The following FBXL7 variants were observed in gnomAD, a reference collection of about 807,000 sequenced individuals.
The protein encoded by FBXL7 is F-box and leucine rich repeat protein 7, also known as F-box/LRR-repeat protein 7.
FBXL7 carries 12 observed loss-of-function variants against 38.3 expected under a neutral mutation model. The ratio of observed to expected loss-of-function variants is 0.31; its 90% CI spans 0.20 to 0.51. The LOEUF (loss-of-function observed/expected upper bound fraction) is 0.51. FBXL7 is among the 20% of genes least tolerant of loss of function. FBXL7 has a pLI of 0.98. For synonymous variants in FBXL7, 297 were observed against 300.9 expected (o/e 0.99, Z 0.13); for missense variants, 567 against 676.4 (o/e 0.84, Z 1.79).
At chr5:15,617,037 T>C (rs1302147987) in intron 2 of FBXL7, among the ~76,000 whole-genome samples, 3 of 152,136 alleles carry the variant, frequency 2.0e-5, no homozygotes, top group African/African-American at 4.8e-5. Context: ...TGGGCTGACA[T>C]TGGCCATCTG....
intron 2 of FBXL7, among the ~76,000 whole-genome samples, chr5:15,896,500 C>T (rs1490021146): frequency 1.3e-5 from 2 of 152,212 alleles, no homozygotes; most frequent in African/African-American, 4.8e-5. Flanking sequence ...GGTCTTTAAG[C>T]CAATCTGTAT....
At chr5:15,682,501 T>A in intron 2 of FBXL7, among the ~76,000 whole-genome samples, 1 of 152,342 alleles carries the variant, frequency 6.6e-6, no homozygotes, top group African/African-American at 2.4e-5. Context: ...TTTCAATATT[T>A]GATTTTATTT....
intron 1 of FBXL7, among the ~76,000 whole-genome samples, chr5:15,613,029 G>C (rs1478057729): frequency 6.6e-6 from 1 of 152,140 alleles, no homozygotes; most frequent in Non-Finnish European, 1.5e-5. Flanking sequence ...ATCAGAGCTA[G>C]AGCATATGGA....
In FBXL7 at chr5:15,500,483, G is replaced by C. The variant is rs1736458008; in HGVS notation, c.-194G>C. On this transcript the variant is annotated 5_prime_UTR_variant, in exon 1 of 4. Transcript: ENST00000504595. ...GCCCGGCCCCGCCTGGAGCCACCGGGGGTGCCAGGAGGGGACGCAGCACCC... is the reference window on the plus strand; with the variant it reads ...GCCCGGCCCCGCCTGGAGCCACCGGCGGTGCCAGGAGGGGACGCAGCACCC... 5 of 700,674 alleles carry C rather than the reference G, an allele frequency of 7.1e-6. No homozygotes were observed. The highest frequency in any genetic ancestry group is 1.3e-5 in the Non-Finnish European group (5 of 399,414). The allele number at this position is 700,674 out of a possible 1,614,324, so 43.4% of individuals were successfully genotyped here.
chr5:15,515,479 G>A (rs540456936), intron 1 of FBXL7, among the ~76,000 whole-genome samples: 15 of 152,224 alleles, frequency 9.9e-5, no homozygotes, highest in East Asian at 3.9e-4. Flanking sequence ...TGCCTGATCC[G>A]TTTGCTCAAC....
chr5:15,810,634 T>C (rs1737836035), intron 2 of FBXL7, among the ~76,000 whole-genome samples: 1 of 152,188 alleles, frequency 6.6e-6, no homozygotes, highest in Admixed American at 6.5e-5. Context: ...ATTGCAAATT[T>C]TTTATTTGCA....
At chr5:15,924,986 C>T (rs547547745) in intron 2 of FBXL7, among the ~76,000 whole-genome samples, 1 of 152,252 alleles carries the variant, frequency 6.6e-6, no homozygotes, top group South Asian at 2.1e-4. Flanking sequence ...GTCAAGCCAG[C>T]TGCACAAATG....
chr5:15,578,396 G>A (rs1739035240), intron 1 of FBXL7, among the ~76,000 whole-genome samples: 1 of 152,176 alleles, frequency 6.6e-6, no homozygotes, highest in Admixed American at 6.5e-5. Flanking sequence ...AAACAGTGGT[G>A]CTTGTATCAT....
intron 2 of FBXL7, among the ~76,000 whole-genome samples, chr5:15,641,166 T>G (rs1741357217): frequency 6.6e-6 from 1 of 152,228 alleles, no homozygotes; most frequent in African/African-American, 2.4e-5. Context: ...TTCTTTAGGT[T>G]CCTGGTCAGT....
intron 2 of FBXL7, among the ~76,000 whole-genome samples, chr5:15,683,384 A>C (rs1167892454): frequency 6.6e-6 from 1 of 152,210 alleles, no homozygotes; most frequent in Non-Finnish European, 1.5e-5. Context: ...GACCCGTGTC[A>C]GGGAGTCACC....
chr5:15,668,701 C>T (rs1159988285), intron 2 of FBXL7, among the ~76,000 whole-genome samples: 1 of 152,114 alleles, frequency 6.6e-6, no homozygotes. Flanking sequence ...TGCTAACCTC[C>T]AGGCTTTTTA....
chr5:15,884,429 G>A (rs1740594087), intron 2 of FBXL7, among the ~76,000 whole-genome samples: 1 of 151,884 alleles, frequency 6.6e-6, no homozygotes, highest in Non-Finnish European at 1.5e-5. Flanking sequence ...ACCACGCCCG[G>A]CTAATTTTTT....
intron 2 of FBXL7, among the ~76,000 whole-genome samples, chr5:15,663,681 G>A (rs756537757): frequency 5.3e-5 from 8 of 152,100 alleles, no homozygotes; most frequent in Non-Finnish European, 1.0e-4. Context: ...CTACTTTATC[G>A]TGGTGGATTA....
chr5:15,792,776 G>A (rs1015754206), intron 2 of FBXL7, among the ~76,000 whole-genome samples: 2 of 152,170 alleles, frequency 1.3e-5, no homozygotes, highest in Non-Finnish European at 2.9e-5. Flanking sequence ...TGCCTGCAGA[G>A]AAGCAGTGGA....
At chr5:15,528,636 A>T (rs1737321804) in intron 1 of FBXL7, among the ~76,000 whole-genome samples, 1 of 152,122 alleles carries the variant, frequency 6.6e-6, no homozygotes. Context: ...AGTATGGGGG[A>T]AACTGCTCCC....
At chr5:15,848,043 A>C (rs1738967365) in intron 2 of FBXL7, among the ~76,000 whole-genome samples, 1 of 152,172 alleles carries the variant, frequency 6.6e-6, no homozygotes, top group Non-Finnish European at 1.5e-5. Context: ...GACCCACAAA[A>C]ACTGTGAGAA....
intron 2 of FBXL7, among the ~76,000 whole-genome samples, chr5:15,627,578 C>T (rs1740860580): frequency 1.3e-5 from 2 of 152,240 alleles, no homozygotes; most frequent in South Asian, 2.1e-4. Flanking sequence ...GTTCTTTGTA[C>T]TAGGGTTTCA....
chr5:15,865,629 G>A (rs373719227), intron 2 of FBXL7, among the ~76,000 whole-genome samples: 9 of 151,728 alleles, frequency 5.9e-5, no homozygotes, highest in East Asian at 1.9e-4. Context: ...TGCTTACTCC[G>A]TTCTTGGTCT....
chr5:15,757,946 G>T (rs1736341469), intron 2 of FBXL7, among the ~76,000 whole-genome samples: 1 of 151,992 alleles, frequency 6.6e-6, no homozygotes, highest in Non-Finnish European at 1.5e-5. Flanking sequence ...AGCCCAAATG[G>T]TTCCCTTCTC....
Sources: gnomAD v4.1 joint callset for allele counts (sites outside exome capture counted in the v4.1 genomes callset) on GRCh38, gnomAD v4.1.1 for gene constraint, MANE v1.5 for transcripts, NCBI Gene and HGNC (gene_info 2026-07-23, HGNC 2026-07-21) for gene names.